Variants in CWF19L2 observed in about 807,000 individuals in gnomAD.
CWF19L2 encodes CWF19 like cell cycle control factor 2.
Under a neutral mutation model 111.7 loss-of-function variants are expected in CWF19L2, and 98 were observed. The ratio of observed to expected loss-of-function variants is 0.88; its 90% CI spans 0.75 to 1.04. The LOEUF (loss-of-function observed/expected upper bound fraction) is 1.04, where lower values mean the gene tolerates loss of function less well. Ranked by LOEUF, CWF19L2 falls within the 50% of genes least tolerant of loss-of-function variation. The probability of loss-of-function intolerance (pLI) is 0.00; values close to 1 mark genes in which losing one functional copy is unlikely to be tolerated. For synonymous variants in CWF19L2, 351 were observed against 342.9 expected (o/e 1.02, Z -0.26); for missense variants, 1,101 against 1,051.4 (o/e 1.05, Z -0.65).
At chr11:107,422,485 A>AG (rs920094038) in intron 8 of CWF19L2, among the ~76,000 whole-genome samples, 36 of 152,044 alleles carry the variant, frequency 2.4e-4, no homozygotes, top group Admixed American at 4.6e-4. Context: ...AAAGGCTTTC[A>AG]GGGGGGTGAT....
intron 12 of CWF19L2, among the ~76,000 whole-genome samples, chr11:107,373,888 T>C (rs1309102002): frequency 7.5e-6 from 1 of 133,704 alleles, no homozygotes; most frequent in Non-Finnish European, 1.6e-5. Flanking sequence ...TTTAGCAGAA[T>C]GTATAACTAG....
chr11:107,383,810 C>A lies in CWF19L2; in HGVS notation c.1872+6264G>T, dbSNP rs545466279. On this transcript the variant is annotated intron_variant, in intron 12 of 17. Transcript: ENST00000282251. ...ACATCAACAGCAAAAGGCAATAGGG[C>A]AGATCTGAATACTGAGCCCAGGTAG... 5.3e-5 allele frequency among the ~76,000 whole-genome samples: 8 copies of A among 152,250 alleles called. No homozygotes were observed. In the South Asian group the frequency reaches 1.7e-3, roughly 32 times the overall value.
chr11:107,373,555 A>G (rs200498693), intron 12 of CWF19L2, among the ~76,000 whole-genome samples: 1 of 116,988 alleles, frequency 8.5e-6, no homozygotes, highest in Non-Finnish European at 1.9e-5. Context: ...CCTGCAGCTG[A>G]GGGTCCTGTC....
chr11:107,384,433 T>C (rs1056148436), intron 12 of CWF19L2, among the ~76,000 whole-genome samples: 1 of 152,194 alleles, frequency 6.6e-6, no homozygotes, highest in Non-Finnish European at 1.5e-5. Flanking sequence ...GCAACAAAGT[T>C]TGTGTATTCT....
At chr11:107,388,554 G>T (rs1429085009) in intron 12 of CWF19L2, among the ~76,000 whole-genome samples, 2 of 152,140 alleles carry the variant, frequency 1.3e-5, no homozygotes, top group Admixed American at 1.3e-4. Flanking sequence ...GGCTAATTTT[G>T]TATTTTTAGT....
chr11:107,427,361 G>A (rs1409891491), intron 8 of CWF19L2, among the ~76,000 whole-genome samples: 1 of 151,968 alleles, frequency 6.6e-6, no homozygotes, highest in Non-Finnish European at 1.5e-5. Context: ...AAAATTACAT[G>A]TATACATACA....
chr11:107,327,534 C>T (rs1255806218), intron 17 of CWF19L2, among the ~76,000 whole-genome samples: 1 of 152,074 alleles, frequency 6.6e-6, no homozygotes, highest in Non-Finnish European at 1.5e-5. Flanking sequence ...TTTCATGAAA[C>T]AAAATCCTAT....
At chr11:107,452,947 A>G (rs1243163589) in intron 3 of CWF19L2, among the ~76,000 whole-genome samples, 1 of 152,248 alleles carries the variant, frequency 6.6e-6, no homozygotes, top group East Asian at 1.9e-4. Context: ...ACTGCACTCC[A>G]GTCTGTGCAA....
Position 107,401,184 on chromosome 11 carries a change from CTCT to C in CWF19L2, c.1618-8292_1618-8290del, listed in dbSNP as rs1860994238. 2.6e-5 allele frequency among the ~76,000 whole-genome samples: 4 copies of C among 152,264 alleles called. No individual in the cohort carries two copies. In the South Asian group the frequency reaches 8.3e-4, roughly 32 times the overall value. The stretch of plus-strand genomic sequence containing the variant: ...ACAAGGATGCTCACTCTCACCACTC[CTCT>C]TCAACACAGTACTGGAAGCCCTAGC... On this transcript the variant is annotated intron_variant, in intron 10 of 17. Transcript: ENST00000282251.
Position 107,441,639 on chromosome 11 carries a change from C to T in CWF19L2, c.451-17G>A. ...CTCATCCCTCTGTTAAAAAAAAAGACATAAAATCAACAGTCATCCACTCAT... is the reference window on the plus strand; with the variant it reads ...CTCATCCCTCTGTTAAAAAAAAAGATATAAAATCAACAGTCATCCACTCAT... On this transcript the variant is annotated splice_polypyrimidine_tract_variant and intron_variant, in intron 4 of 17. Transcript: ENST00000282251. 1 of 1,506,404 alleles carries T rather than the reference C, an allele frequency of 6.6e-7. No homozygotes were observed. Among genetic ancestry groups the T allele is most frequent in the Non-Finnish European group, 8.8e-7 (1 of 1,131,952 alleles). 93.3% of individuals were successfully genotyped at this position (1,506,404 alleles called of 1,614,324 possible). A position where few individuals can be genotyped will look rare whatever the true frequency, so the allele number is the denominator to read the frequency against.
chr11:107,420,949 A>G (rs1861295319), intron 8 of CWF19L2, among the ~76,000 whole-genome samples: 1 of 151,994 alleles, frequency 6.6e-6, no homozygotes, highest in African/African-American at 2.4e-5. Flanking sequence ...AACATGCCCA[A>G]ATGGACATCC....
chr11:107,354,846 T>A (rs1284615696), intron 12 of CWF19L2, among the ~76,000 whole-genome samples: 1 of 152,194 alleles, frequency 6.6e-6, no homozygotes, highest in Non-Finnish European at 1.5e-5. Flanking sequence ...AGTAAGTGTC[T>A]TCCTGGGTCA....
chr11:107,349,089 G>T lies in CWF19L2; in HGVS notation c.2086-36C>A, dbSNP rs535089525. ...GAAATACAAAAGGTGAAATGTTATT[G>T]TTATTTATATGTTATATATTTATAT... On this transcript the variant is annotated intron_variant, in intron 13 of 17. Transcript: ENST00000282251. 101 of 1,080,420 alleles carry T rather than the reference G, an allele frequency of 9.3e-5. 1 individual carries two copies. In the South Asian group the frequency reaches 1.4e-3, roughly 15 times the overall value. 66.9% of individuals were successfully genotyped at this position (1,080,420 alleles called of 1,614,324 possible). A position where few individuals can be genotyped will look rare whatever the true frequency, so the allele number is the denominator to read the frequency against.
chr11:107,421,758 T>A (rs1383856392), intron 8 of CWF19L2, among the ~76,000 whole-genome samples: 1 of 152,134 alleles, frequency 6.6e-6, no homozygotes, highest in African/African-American at 2.4e-5. Flanking sequence ...CTGTTGGTGA[T>A]CATGTAAAAT....
intron 10 of CWF19L2, among the ~76,000 whole-genome samples, chr11:107,407,907 G>A (rs1450603903): frequency 6.6e-6 from 1 of 151,920 alleles, no homozygotes; most frequent in African/African-American, 2.4e-5. Flanking sequence ...CATATGAGTG[G>A]GTGTTTCCTA....
chr11:107,339,222 T>C (rs1400569736), intron 14 of CWF19L2, among the ~76,000 whole-genome samples: 3 of 152,216 alleles, frequency 2.0e-5, no homozygotes, highest in Non-Finnish European at 4.4e-5. Context: ...CCAGTATGTT[T>C]AACCATACAC....
chr11:107,360,277 C>CA (rs1197888733), intron 12 of CWF19L2, among the ~76,000 whole-genome samples: 7 of 151,848 alleles, frequency 4.6e-5, no homozygotes, highest in South Asian at 2.1e-4. Context: ...TATGTTGCAG[C>CA]AAAAAACAAA....
chr11:107,454,274 A>G (rs1434544710), intron 3 of CWF19L2, among the ~76,000 whole-genome samples, 176 bp downstream of exon 3: 1 of 152,256 alleles, frequency 6.6e-6, no homozygotes, highest in Non-Finnish European at 1.5e-5. Context: ...CTGAAATTCA[A>G]GATCAACATT....
At chr11:107,351,357 TA>T (rs1018735504) in intron 13 of CWF19L2, among the ~76,000 whole-genome samples, 1 of 152,154 alleles carries the variant, frequency 6.6e-6, no homozygotes, top group African/African-American at 2.4e-5. Context: ...TGACATTTAC[TA>T]AAAAGAGGAA....
Sources: gnomAD v4.1 joint callset for allele counts (sites outside exome capture counted in the v4.1 genomes callset) on GRCh38, gnomAD v4.1.1 for gene constraint, MANE v1.5 for transcripts, NCBI Gene and HGNC (gene_info 2026-07-23, HGNC 2026-07-21) for gene names.